MDN1: variants seen among roughly 807,000 people sequenced by gnomAD.
The protein encoded by MDN1 is midasin AAA ATPase 1.
MDN1 carries 266 observed loss-of-function variants against 669.2 expected under a neutral mutation model. The observed-to-expected ratio is 0.40, with a 90% CI of 0.36 to 0.44. The LOEUF is 0.44. MDN1 is among the 20% of genes least tolerant of loss of function. The pLI is 1.00. For missense variants in MDN1, 5,940 were observed against 6,754.0 expected (o/e 0.88, Z 4.22); for synonymous variants, 2,385 against 2,457.1 (o/e 0.97, Z 0.87).
At chr6:89,654,080 A>C in intron 93 of MDN1, 84 bp downstream of exon 93, 1 of 1,451,494 alleles carries the variant, frequency 6.9e-7, no homozygotes, top group Non-Finnish European at 9.5e-7. Context: ...ATGGAACTGA[A>C]CACCAGACTA....
In MDN1 at chr6:89,819,537, C is replaced by A. The variant is rs1413960592; in HGVS notation, c.71G>T (p.Arg24Leu). Residue 24 changes from arginine to leucine, a missense_variant, in exon 1 of 102, where the codon CGC (arginine) becomes CTC (leucine). By Grantham distance (102) the Arg-to-Leu change is moderately radical. Around this residue, in one of 5 missense-constraint regions of MDN1, gnomAD observed 1,203 missense variants for 1,268.9 expected, o/e 0.95. Coordinates refer to ENST00000369393, the MANE Select transcript of MDN1 (RefSeq NM_014611.3). ...GGCCAAGAACCTGCCCAACTCACTG[C>A]GGCTCTTCTCGTTCTTGGCTGCGAT... ...RLIAAKNEKSRSELGRFLAKQ... is the reference protein window; with the variant it reads ...RLIAAKNEKSLSELGRFLAKQ... The A allele has an allele frequency of 6.2e-7, 1 of 1,605,662 alleles. No individual in the cohort carries two copies. Among genetic ancestry groups the A allele is most frequent in the South Asian group, 1.1e-5 (1 of 91,090 alleles).
intron 11 of MDN1, among the ~76,000 whole-genome samples, chr6:89,777,880 C>T (rs1818434273): frequency 6.6e-6 from 1 of 152,116 alleles, no homozygotes. Context: ...CATAAAAACC[C>T]TAGCTTCTGA....
At chr6:89,656,655 C>A in intron 91 of MDN1, 45 bp downstream of exon 91, 77 of 1,060,360 alleles carry the variant, frequency 7.3e-5, no homozygotes, top group Non-Finnish European at 9.4e-5. Context: ...ACATCTTTTT[C>A]TACATGCTGC....
intron 33 of MDN1, among the ~76,000 whole-genome samples, chr6:89,736,741 C>T (rs1163811139): frequency 6.6e-6 from 1 of 152,180 alleles, no homozygotes; most frequent in Non-Finnish European, 1.5e-5. Flanking sequence ...CCGCTGTGAG[C>T]CGTGATTCCA....
chr6:89,650,700 C>CACTG (rs1808790832), intron 96 of MDN1, 32 bp downstream of exon 96: 1 of 1,526,240 alleles, frequency 6.6e-7, no homozygotes, highest in African/African-American at 1.4e-5. Flanking sequence ...CTTCTCAGGG[C>CACTG]ACTGTGAGGC....
intron 27 of MDN1, 32 bp from the exon 28 acceptor site, chr6:89,745,658 AATC>A (rs756163309): frequency 5.0e-6 from 8 of 1,601,910 alleles, no homozygotes; most frequent in Non-Finnish European, 5.1e-6. Context: ...GGAGGAGAGG[AATC>A]ATCAAGTGTC....
chr6:89,661,237 G>C (rs1466119302), intron 88 of MDN1, among the ~76,000 whole-genome samples, 194 bp downstream of exon 88: 2 of 152,196 alleles, frequency 1.3e-5, no homozygotes, highest in Non-Finnish European at 2.9e-5. Flanking sequence ...AATACCTGCT[G>C]GTTGATGAGC....
Position 89,668,039 on chromosome 6 carries a change from C to T in MDN1, c.14069G>A (p.Ser4690Asn), listed in dbSNP as rs146866493. ...CTGTTCTTCATTTCCGATCTGGTCACTCACATCCTTCATGCCCTCGCCTTC... is the reference window on the plus strand; with the variant it reads ...CTGTTCTTCATTTCCGATCTGGTCATTCACATCCTTCATGCCCTCGCCTTC... ...IGEGEGMKDV[S>N]DQIGNEEQVE... The change falls in exon 84 of 102, where the codon AGT (serine) becomes AAT (asparagine). Residue 4690 changes from serine (S) to asparagine (N), a missense_variant. Transcript: ENST00000369393. The T allele has an allele frequency of 1.9e-4, 303 of 1,614,024 alleles. No homozygotes were observed. Among genetic ancestry groups the T allele is most frequent in the Admixed American group, 2.7e-4 (16 of 60,008 alleles).
rs184173084 is a variant in MDN1 at position 89,742,266 on chromosome 6, A to T, written c.4448+884T>A. ...CATCTCTACTAAAAATGCAAAAATTAGCTGGGCCTGATGGCACACATGTGT... is the reference window on the plus strand; with the variant it reads ...CATCTCTACTAAAAATGCAAAAATTTGCTGGGCCTGATGGCACACATGTGT... On this transcript the variant is annotated intron_variant, in intron 31 of 101. Transcript: ENST00000369393. 1.2e-3 allele frequency among the ~76,000 whole-genome samples: 185 copies of T among 152,300 alleles called. 2 individuals carry two copies. The highest frequency in any genetic ancestry group is 4.4e-3 in the African/African-American group (181 of 41,562).
At chr6:89,812,720 C>A in intron 1 of MDN1, among the ~76,000 whole-genome samples, 1 of 151,888 alleles carries the variant, frequency 6.6e-6, no homozygotes, top group African/African-American at 2.4e-5. Context: ...AGGATAACCT[C>A]AGTGTTATTA....
chr6:89,671,037 A>C lies in MDN1; in HGVS notation c.13838T>G (p.Val4613Gly). Residue 4613 changes from valine to glycine, a missense_variant, in exon 83 of 102, where the codon GTC becomes GGC. Val to Gly is a moderately radical substitution (Grantham distance 109, BLOSUM62 -3). This residue lies in a region of MDN1 where 2,280 missense variants were observed against 2,576.3 expected (regional missense o/e 0.88). Coordinates refer to ENST00000369393, the MANE Select transcript of MDN1 (RefSeq NM_014611.3). ...GACGAGGTCTGAGTAGCTGGAGAGG[A>C]CCGGCACCAGGCGCACCAGCAAGGA... ...SCSLLVRLVP[V>G]LSSYSDLVLF... The C allele has an allele frequency of 6.2e-7, 1 of 1,614,128 alleles. No homozygotes were observed. The highest frequency in any genetic ancestry group is 8.5e-7 in the Non-Finnish European group (1 of 1,180,014).
At chr6:89,784,924 G>C in intron 9 of MDN1, 88 bp downstream of exon 9, 1 of 820,942 alleles carries the variant, frequency 1.2e-6, no homozygotes. Context: ...AGGTTGATGA[G>C]GGTTCTGGTG....
chr6:89,669,969 C>T (rs897428296), intron 83 of MDN1, among the ~76,000 whole-genome samples: 1 of 151,242 alleles, frequency 6.6e-6, no homozygotes, highest in African/African-American at 2.4e-5. Context: ...CTTTGGGAGG[C>T]CGAGGTGGAC....
rs755703384 is a variant in MDN1, at chr6:89,672,257, G to A, written c.13737C>T (p.Ser4579=). The change falls in exon 82 of 102, where the codon TCC becomes TCT. Residue 4579 remains serine, a synonymous_variant. Coordinates refer to ENST00000369393, the MANE Select transcript of MDN1 (RefSeq NM_014611.3). ...ACGATTTCAGCCTCTCCAACAGCTC[G>A]GAGATGGCAGAAATTATTTTCTGCA... ...LHVQKIISAI[S]ELLERLKSYG... 14 of 1,611,768 alleles carry A rather than the reference G, an allele frequency of 8.7e-6. No homozygotes were observed. The highest frequency in any genetic ancestry group is 3.4e-5 in the Admixed American group (2 of 59,306).
chr6:89,770,666 T>A (rs1193875036), intron 15 of MDN1, among the ~76,000 whole-genome samples: 1 of 151,982 alleles, frequency 6.6e-6, no homozygotes, highest in Non-Finnish European at 1.5e-5. Context: ...CATGCCCAAC[T>A]AATTTTCGTA....
In MDN1 at chr6:89,654,186, C is replaced by T. The variant is rs761674559; in HGVS notation, c.15639G>A (p.Lys5213=). 16 of 1,614,232 alleles carry T rather than the reference C, an allele frequency of 9.9e-6. No individual in the cohort carries two copies. The highest frequency in any genetic ancestry group is 1.3e-5 in the African/African-American group (1 of 75,072). The change falls in exon 93 of 102, where the codon AAG becomes AAA. Residue 5213 remains lysine, a synonymous_variant. Transcript: ENST00000369393. ...DVEQLKPEEI[K]SGTTAPLGFD... is the part of the protein sequence containing the mutation. ...CACCCAAGGGTGCTGTGGTGCCCGA[C>T]TTGATTTCCTCTGGCTTCAGCTGCT... is the stretch of plus-strand genomic sequence containing the variant.
chr6:89,715,593 G>T, intron 45 of MDN1, 60 bp downstream of exon 45: 1 of 1,000,034 alleles, frequency 1.0e-6, no homozygotes, highest in African/African-American at 1.6e-5. Flanking sequence ...CCTACTGAAC[G>T]TCTACCTCTG....
At chr6:89,714,457 G>A (rs927134053) in intron 46 of MDN1, 86 bp downstream of exon 46, 22 of 1,184,582 alleles carry the variant, frequency 1.9e-5, no homozygotes, top group African/African-American at 1.4e-4. Context: ...CTAAATGTAC[G>A]AAATCTTTGA....
chr6:89,819,557 T>A lies in MDN1; in HGVS notation c.51A>T (p.Ala17=). The A allele has an allele frequency of 6.2e-7, 1 of 1,604,700 alleles. No homozygotes were observed. The highest frequency in any genetic ancestry group is 8.5e-7 in the Non-Finnish European group (1 of 1,179,976). The change falls in exon 1 of 102, where the codon GCA becomes GCT. Residue 17 remains alanine, a synonymous_variant. Transcript: ENST00000369393. ...EVAAAPLRLI[A]AKNEKSRSEL... is the part of the protein sequence containing the mutation. ...CACTGCGGCTCTTCTCGTTCTTGGCTGCGATTAACCGCAGCGGCGCGGCTG... is the reference window on the plus strand; with the variant it reads ...CACTGCGGCTCTTCTCGTTCTTGGCAGCGATTAACCGCAGCGGCGCGGCTG...
Sources: allele counts gnomAD v4.1 joint callset (sites outside exome capture counted in the v4.1 genomes callset), GRCh38; gene constraint gnomAD v4.1.1; regional missense constraint gnomAD v4.1.1; transcripts MANE v1.5; gene names NCBI Gene and HGNC (gene_info 2026-07-23, HGNC 2026-07-21).